The following MAML3 variants were observed in gnomAD, a reference collection of about 807,000 sequenced individuals.
MAML3 encodes the protein mastermind like transcriptional coactivator 3.
A neutral mutation model predicts 101.9 loss-of-function variants in MAML3; 27 were observed. The observed-to-expected ratio is 0.27, with a 90% CI of 0.20 to 0.37. MAML3 has a LOEUF of 0.37. Ranked by LOEUF, MAML3 falls within the 10% of genes least tolerant of loss-of-function variation. The pLI, the probability that MAML3 is intolerant of heterozygous loss-of-function variation, is 1.00. For synonymous variants in MAML3, 501 were observed against 555.9 expected, an observed-to-expected ratio of 0.90 and a Z score of 1.39; for missense variants, 1,316 against 1,444.9, an observed-to-expected ratio of 0.91 and a Z score of 1.45.
chr4:140,121,813 C>G (rs1728610325), intron 1 of MAML3, among the ~76,000 whole-genome samples: 1 of 152,214 alleles, frequency 6.6e-6, no homozygotes, highest in Admixed American at 6.5e-5. Context: ...TGTGTCCCAA[C>G]CCAAATTTCA....
chr4:139,769,907 G>A lies in MAML3; in HGVS notation c.2080-39240C>T, dbSNP rs576014575. Among the ~76,000 whole-genome samples the A allele has an allele frequency of 1.3e-4, 18 of 138,658 alleles. 1 individual carries two copies. The East Asian group carries it at 2.8e-3, about 21-fold the overall frequency. 91.0% of individuals were successfully genotyped at this position (138,658 alleles called of 152,430 possible). A position where few individuals can be genotyped will look rare whatever the true frequency, so the allele number is the denominator to read the frequency against. On this transcript the variant is annotated intron_variant, in intron 2 of 4. Coordinates refer to ENST00000509479, the MANE Select transcript of MAML3 (RefSeq NM_018717.5). Reference sequence around the variant, plus strand: ...TTGGATTACAGGCGTGAGCCATCGCGCCCAGCCTCTTTTTTTTTTTTTTTT... The same window carrying A: ...TTGGATTACAGGCGTGAGCCATCGCACCCAGCCTCTTTTTTTTTTTTTTTT...
intron 2 of MAML3, among the ~76,000 whole-genome samples, chr4:139,856,652 C>T (rs1378095843): frequency 6.6e-6 from 1 of 152,226 alleles, no homozygotes; most frequent in Non-Finnish European, 1.5e-5. Flanking sequence ...TGAAGCCACA[C>T]ATAAGCCCTG....
At chr4:140,022,050 T>C (rs187143745) in intron 1 of MAML3, among the ~76,000 whole-genome samples, 20 of 152,320 alleles carry the variant, frequency 1.3e-4, no homozygotes, top group Admixed American at 3.3e-4. Context: ...TCCAGAGTTC[T>C]TGGTCCAGCC....
chr4:140,006,235 G>C (rs1371168078), intron 1 of MAML3, among the ~76,000 whole-genome samples: 1 of 152,140 alleles, frequency 6.6e-6, no homozygotes, highest in Non-Finnish European at 1.5e-5. Flanking sequence ...GGAGTGGAAG[G>C]GGGAGGGGTC....
intron 1 of MAML3, among the ~76,000 whole-genome samples, chr4:139,978,619 AAGAG>A (rs70943462): frequency 6.6e-6 from 1 of 150,836 alleles, no homozygotes; most frequent in African/African-American, 2.4e-5. Flanking sequence ...ATCAAAAAAA[AAGAG>A]AGAGAGAGAG....
At chr4:139,863,835 T>TTTTTTTTTG (rs1731837141) in intron 2 of MAML3, among the ~76,000 whole-genome samples, 4 of 33,510 alleles carry the variant, frequency 1.2e-4, no homozygotes, top group East Asian at 5.2e-4. Context: ...AACATGGGTT[T>TTTTTTTTTG]TTTTTTTTTT....
intron 2 of MAML3, among the ~76,000 whole-genome samples, chr4:139,810,365 AT>A (rs1253734973): frequency 6.6e-6 from 1 of 151,550 alleles, no homozygotes; most frequent in Non-Finnish European, 1.5e-5. Flanking sequence ...TAATTTTAAA[AT>A]TTTTTTAGAG....
At chr4:140,038,637 GC>G (rs773163990) in intron 1 of MAML3, among the ~76,000 whole-genome samples, 3 of 152,158 alleles carry the variant, frequency 2.0e-5, no homozygotes, top group Non-Finnish European at 1.5e-5. Flanking sequence ...AGTACTGAAT[GC>G]CCTGTACCTC....
intron 2 of MAML3, among the ~76,000 whole-genome samples, chr4:139,804,697 C>T (rs982597135): frequency 2.0e-4 from 30 of 152,286 alleles, no homozygotes; most frequent in African/African-American, 7.2e-4. Context: ...TAATTTATAT[C>T]TGCTTATAGT....
At chr4:139,725,653 G>C in intron 4 of MAML3, 98 bp downstream of exon 4, 1 of 1,176,800 alleles carries the variant, frequency 8.5e-7, no homozygotes, top group Non-Finnish European at 1.3e-6. Context: ...GTATTTCCTG[G>C]ACACAAATAC....
rs1394373852 is a variant in MAML3, at chr4:140,011,337, G to GTTTTT, written c.469-120371_469-120370insAAAAA. Reference sequence around the variant, plus strand: ...GATTGGTTTTACTCAAGGTTTTCTTGTTTTGTTTTTTTTTTTTTGAGACGG... The same window carrying GTTTTT: ...GATTGGTTTTACTCAAGGTTTTCTTGTTTTTTTTTGTTTTTTTTTTTTTGAGACGG... On this transcript the variant is annotated intron_variant, in intron 1 of 4. Transcript: ENST00000509479. 4.1e-3 allele frequency among the ~76,000 whole-genome samples: 450 copies of GTTTTT among 109,762 alleles called. 89 individuals are homozygous for GTTTTT. Among genetic ancestry groups the GTTTTT allele is most frequent in the Non-Finnish European group, 5.4e-3 (277 of 51,464 alleles). The allele number at this position is 109,762 out of a possible 152,430, so 72.0% of individuals were successfully genotyped here. A position where few individuals can be genotyped will look rare whatever the true frequency, so the allele number is the denominator to read the frequency against.
chr4:140,095,320 G>A (rs956215176), intron 1 of MAML3, among the ~76,000 whole-genome samples: 6 of 152,024 alleles, frequency 3.9e-5, no homozygotes, highest in African/African-American at 1.4e-4. Context: ...ACTGAGCCTC[G>A]TCTGGACCCC....
intron 3 of MAML3, among the ~76,000 whole-genome samples, chr4:139,728,470 C>T (rs1316248674): frequency 6.6e-6 from 1 of 152,216 alleles, no homozygotes; most frequent in African/African-American, 2.4e-5. Flanking sequence ...AAAGCAGCTA[C>T]ATGAGGTGGG....
intron 1 of MAML3, among the ~76,000 whole-genome samples, chr4:139,895,715 T>A: frequency 6.6e-6 from 1 of 152,244 alleles, no homozygotes; most frequent in East Asian, 1.9e-4. Context: ...TGTAGCTTTT[T>A]TAATATGAAC....
chr4:139,909,823 T>C (rs1395298412), intron 1 of MAML3, among the ~76,000 whole-genome samples: 1 of 105,462 alleles, frequency 9.5e-6, no homozygotes, highest in Non-Finnish European at 1.8e-5. Flanking sequence ...GGCCACAGAG[T>C]GCGATGCCGT....
intron 2 of MAML3, among the ~76,000 whole-genome samples, chr4:139,756,496 A>C (rs1729653513): frequency 6.6e-6 from 1 of 152,234 alleles, no homozygotes; most frequent in Non-Finnish European, 1.5e-5. Context: ...CTGAGAGTCA[A>C]GGACTCCAAG....
chr4:140,090,079 A>G (rs1728018216), intron 1 of MAML3, among the ~76,000 whole-genome samples: 1 of 152,242 alleles, frequency 6.6e-6, no homozygotes, highest in African/African-American at 2.4e-5. Context: ...TAGCTGGACA[A>G]TATCCCCCAA....
intron 2 of MAML3, among the ~76,000 whole-genome samples, chr4:139,809,885 C>CACACAT (rs1200665259): frequency 3.3e-5 from 5 of 151,946 alleles, no homozygotes; most frequent in Non-Finnish European, 7.4e-5. Flanking sequence ...CACACACACA[C>CACACAT]ACACACACAC....
intron 2 of MAML3, among the ~76,000 whole-genome samples, chr4:139,732,950 A>C (rs1203987091): frequency 6.6e-6 from 1 of 152,230 alleles, no homozygotes; most frequent in Non-Finnish European, 1.5e-5. Context: ...TAATAAAAAG[A>C]TCTTACACTA....
Sources: allele counts gnomAD v4.1 joint callset (sites outside exome capture counted in the v4.1 genomes callset), GRCh38; gene constraint gnomAD v4.1.1; transcripts MANE v1.5; gene names NCBI Gene and HGNC (gene_info 2026-07-23, HGNC 2026-07-21).